FAF1: variants seen among roughly 807,000 people sequenced by gnomAD.
FAF1 encodes Fas associated factor 1, also known as FAS-associated factor 1.
In FAF1, 25 loss-of-function variants were observed where a neutral mutation model predicts 92.5. That is an observed-to-expected ratio of 0.27 (90% CI 0.20 to 0.38). The LOEUF (loss-of-function observed/expected upper bound fraction) is 0.38, where lower values mean the gene tolerates loss of function less well. Ranked by LOEUF, FAF1 falls within the 10% of genes least tolerant of loss-of-function variation. FAF1 has a pLI of 1.00. For missense variants in FAF1, 636 were observed against 793.3 expected (o/e 0.80, Z 2.38); for synonymous variants, 234 against 273.2 (o/e 0.86, Z 1.42).
Position 50,821,269 on chromosome 1 carries a change from G to T in FAF1, c.115-19592C>A, listed in dbSNP as rs184069837. Among the ~76,000 whole-genome samples the T allele has an allele frequency of 4.4e-3, 664 of 152,276 alleles. 3 individuals carry two copies. The highest frequency in any genetic ancestry group is 0.01 in the Middle Eastern group (3 of 294). ...AGCATAAATATCTGCCTCACACTGGGCTAGAAATTCAGTTATATCAAACTC... is the reference window on the plus strand; with the variant it reads ...AGCATAAATATCTGCCTCACACTGGTCTAGAAATTCAGTTATATCAAACTC... On this transcript the variant is annotated intron_variant, in intron 2 of 18. Coordinates refer to ENST00000396153, the MANE Select transcript of FAF1 (RefSeq NM_007051.3).
At chr1:50,901,996 T>C (rs1187982369) in intron 1 of FAF1, among the ~76,000 whole-genome samples, 1 of 152,226 alleles carries the variant, frequency 6.6e-6, no homozygotes, top group African/African-American at 2.4e-5. Flanking sequence ...TAGCTTTGAT[T>C]AATGAAATTA....
chr1:50,912,009 C>T (rs1644889507), intron 1 of FAF1, among the ~76,000 whole-genome samples: 1 of 151,776 alleles, frequency 6.6e-6, no homozygotes, highest in Admixed American at 6.6e-5. Context: ...TGCACTCTAG[C>T]CTAGGTGGCA....
chr1:50,959,511 C>T (rs1215927869), intron 1 of FAF1, among the ~76,000 whole-genome samples: 4 of 152,128 alleles, frequency 2.6e-5, no homozygotes, highest in African/African-American at 9.7e-5. Flanking sequence ...CTACACATTC[C>T]ACACACATTG....
chr1:50,821,258 C>T (rs1349956284), intron 2 of FAF1, among the ~76,000 whole-genome samples: 1 of 152,148 alleles, frequency 6.6e-6, no homozygotes, highest in African/African-American at 2.4e-5. Flanking sequence ...TAAATATCTG[C>T]CTCACACTGG....
chr1:50,810,752 G>A (rs1643898933), intron 2 of FAF1, among the ~76,000 whole-genome samples: 3 of 152,038 alleles, frequency 2.0e-5, no homozygotes, highest in Admixed American at 1.3e-4. Context: ...TAAAATTAAG[G>A]TACAAAAATG....
At chr1:50,837,545 A>T (rs1358955396) in intron 2 of FAF1, among the ~76,000 whole-genome samples, 2 of 152,178 alleles carry the variant, frequency 1.3e-5, no homozygotes, top group Non-Finnish European at 2.9e-5. Context: ...TTGAATATGG[A>T]TTATATGTTT....
chr1:50,841,246 A>C lies in FAF1; in HGVS notation c.114+16683T>G, dbSNP rs543394131. Among the ~76,000 whole-genome samples, 8 of 152,174 alleles carry C rather than the reference A, an allele frequency of 5.3e-5. No individual in the cohort carries two copies. The South Asian group carries it at 1.7e-3, about 32-fold the overall frequency. On this transcript the variant is annotated intron_variant, in intron 2 of 18. Coordinates refer to ENST00000396153, the MANE Select transcript of FAF1 (RefSeq NM_007051.3). The stretch of plus-strand genomic sequence containing the variant: ...CTAAATGCCCTTGACACATATATAT[A>C]AAATTTTGTCTTCAACATTTACGTA...
intron 8 of FAF1, among the ~76,000 whole-genome samples, chr1:50,610,863 GA>G (rs1299633638): frequency 3.3e-5 from 5 of 150,264 alleles, no homozygotes; most frequent in South Asian, 2.1e-4. Flanking sequence ...TTTAACTAAA[GA>G]AAAAAAAAGT....
At chr1:50,585,964 G>C (rs1651213082) in intron 9 of FAF1, among the ~76,000 whole-genome samples, 1 of 151,722 alleles carries the variant, frequency 6.6e-6, no homozygotes, top group African/African-American at 2.4e-5. Context: ...GAGGCAGGAG[G>C]ATCACTTGAG....
chr1:50,810,690 C>G (rs1043751469), intron 2 of FAF1, among the ~76,000 whole-genome samples: 1 of 152,196 alleles, frequency 6.6e-6, no homozygotes, highest in African/African-American at 2.4e-5. Context: ...CTCATAGTTT[C>G]TGTCCAAAAG....
chr1:50,473,624 G>T (rs1227679115), intron 18 of FAF1, among the ~76,000 whole-genome samples: 1 of 152,176 alleles, frequency 6.6e-6, no homozygotes, highest in Non-Finnish European at 1.5e-5. Context: ...TGGCTGTGTG[G>T]TAAGAACATA....
intron 4 of FAF1, among the ~76,000 whole-genome samples, chr1:50,783,395 A>G (rs764692731): frequency 6.6e-6 from 1 of 152,224 alleles, no homozygotes; most frequent in Admixed American, 6.5e-5. Context: ...CAAAGAAGCT[A>G]TCAGACGAAA....
intron 2 of FAF1, among the ~76,000 whole-genome samples, chr1:50,819,753 A>ATATATATATACGTGTATATATATACG (rs1644022448): frequency 1.4e-5 from 1 of 73,492 alleles, no homozygotes; most frequent in Non-Finnish European, 2.6e-5. Context: ...ATATATATAC[A>ATATATATATACGTGTATATATATACG]TATATATATA....
chr1:50,745,575 TAA>T (rs1410050241), intron 4 of FAF1, among the ~76,000 whole-genome samples: 1 of 152,188 alleles, frequency 6.6e-6, no homozygotes, highest in East Asian at 1.9e-4. Context: ...TCTGGTTGTT[TAA>T]AAGTGTGTGC....
Position 50,475,533 on chromosome 1 carries a change from A to G in FAF1, c.1800T>C (p.Phe600=), listed in dbSNP as rs1646627901. ...GAAATCCTTTGGAAGCTACAAAATCAAAGACAATCTGGAGCTTGTTGCTGG... is the reference window on the plus strand; with the variant it reads ...GAAATCCTTTGGAAGCTACAAAATCGAAGACAATCTGGAGCTTGTTGCTGG... ...FLASNKLQIV[F]DFVASKGFPW... is the part of the protein sequence containing the mutation. Residue 600 remains phenylalanine, a synonymous_variant, in exon 18 of 19, where the codon TTT becomes TTC. Coordinates refer to ENST00000396153, the MANE Select transcript of FAF1 (RefSeq NM_007051.3). 6.2e-7 allele frequency: 1 copy of G among 1,614,158 alleles called. No homozygotes were observed. The highest frequency in any genetic ancestry group is 8.5e-7 in the Non-Finnish European group (1 of 1,179,998).
chr1:50,524,147 T>G (rs1489932985), intron 15 of FAF1, among the ~76,000 whole-genome samples: 1 of 152,184 alleles, frequency 6.6e-6, no homozygotes, highest in Admixed American at 6.6e-5. Flanking sequence ...TAATGACCTG[T>G]GATGCTGTGA....
At chr1:50,539,500 T>C (rs1648657421) in intron 14 of FAF1, 92 bp downstream of exon 14, 1 of 829,462 alleles carries the variant, frequency 1.2e-6, no homozygotes, top group African/African-American at 1.8e-5. Context: ...GCAAAGATAT[T>C]TACTAATAGA....
chr1:50,466,801 A>G (rs1646502191), intron 18 of FAF1, among the ~76,000 whole-genome samples: 1 of 152,136 alleles, frequency 6.6e-6, no homozygotes, highest in Admixed American at 6.5e-5. Context: ...GGACTTTATT[A>G]GACAAAGCCC....
At chr1:50,572,089 T>A (rs578102549) in intron 12 of FAF1, among the ~76,000 whole-genome samples, 51 of 152,328 alleles carry the variant, frequency 3.3e-4, no homozygotes, top group African/African-American at 1.2e-3. Context: ...TTTTCCCTCA[T>A]CATTATCATC....
Sources: gnomAD v4.1 joint callset for allele counts (sites outside exome capture counted in the v4.1 genomes callset) on GRCh38, gnomAD v4.1.1 for gene constraint, MANE v1.5 for transcripts, NCBI Gene and HGNC (gene_info 2026-07-23, HGNC 2026-07-21) for gene names.